Variants in LRP1B observed in about 807,000 individuals in gnomAD.
LRP1B encodes the protein LDL receptor related protein 1B, also known as low-density lipoprotein receptor-related protein 1B.
A neutral mutation model predicts 556.6 loss-of-function variants in LRP1B; 217 were observed. That is an observed-to-expected ratio of 0.39 (90% CI 0.35 to 0.44). The LOEUF is 0.44. LRP1B is among the 20% of genes least tolerant of loss of function. The pLI is 1.00. For synonymous variants in LRP1B, 2,047 were observed against 1,865.8 expected (o/e 1.10, Z -2.50); for missense variants, 5,053 against 5,620.8 (o/e 0.90, Z 3.23).
At chr2:140,496,799 T>C (rs1469390842) in intron 55 of LRP1B, among the ~76,000 whole-genome samples, 2 of 152,004 alleles carry the variant, frequency 1.3e-5, no homozygotes, top group African/African-American at 2.4e-5. Flanking sequence ...TTGTAAGTAT[T>C]GAGTAGGATG....
chr2:140,371,379 TG>T, intron 69 of LRP1B, 94 bp from the exon 70 acceptor site: 1 of 549,032 alleles, frequency 1.8e-6, no homozygotes, highest in Non-Finnish European at 3.1e-6. Flanking sequence ...AATTTATAGA[TG>T]GTAATAAAAA....
At chr2:141,996,485 G>A (rs561407105) in intron 1 of LRP1B, among the ~76,000 whole-genome samples, 4 of 152,188 alleles carry the variant, frequency 2.6e-5, no homozygotes, top group East Asian at 1.9e-4. Context: ...ATGAGATAAC[G>A]TGGGAAAACC....
At chr2:140,284,431 T>C (rs1683042763) in intron 84 of LRP1B, among the ~76,000 whole-genome samples, 1 of 151,280 alleles carries the variant, frequency 6.6e-6, no homozygotes, top group Admixed American at 6.6e-5. Context: ...AAGATTTCTA[T>C]CTCAGATGAG....
In LRP1B at chr2:140,410,523, G is replaced by C. The variant is rs192123573; in HGVS notation, c.10415-24514C>G. 5.3e-5 allele frequency among the ~76,000 whole-genome samples: 8 copies of C among 151,674 alleles called. No individual in the cohort carries two copies. In the East Asian group the frequency reaches 1.6e-3, roughly 30 times the overall value. ...ATCTGCTGTAGAATCATATTTATCAGAGAGACAGCACGCTATGAAAGAAGT... is the reference window on the plus strand; with the variant it reads ...ATCTGCTGTAGAATCATATTTATCACAGAGACAGCACGCTATGAAAGAAGT... On this transcript the variant is annotated intron_variant, in intron 66 of 90. Coordinates refer to ENST00000389484, the MANE Select transcript of LRP1B (RefSeq NM_018557.3).
At chr2:140,264,672 T>A (rs1041655703) in intron 86 of LRP1B, among the ~76,000 whole-genome samples, 2 of 67,548 alleles carry the variant, frequency 3.0e-5, no homozygotes, top group African/African-American at 8.3e-5. Flanking sequence ...ATTCAGCCCA[T>A]AAAATGACAA....
At chr2:141,466,878 A>G (rs1006505167) in intron 3 of LRP1B, among the ~76,000 whole-genome samples, 1 of 151,286 alleles carries the variant, frequency 6.6e-6, no homozygotes, top group African/African-American at 2.4e-5. Flanking sequence ...CAGTCTTTTA[A>G]AGATCTCAGT....
At chr2:140,843,077 TTTTG>T (rs1559151570) in intron 29 of LRP1B, among the ~76,000 whole-genome samples, 1 of 21,430 alleles carries the variant, frequency 4.7e-5, no homozygotes, top group African/African-American at 1.3e-4. Context: ...GTTTTTTTTT[TTTTG>T]TTTGTTTTTT....
chr2:141,472,468 A>G (rs748146750), intron 3 of LRP1B, among the ~76,000 whole-genome samples: 75 of 152,178 alleles, frequency 4.9e-4, no homozygotes, highest in Non-Finnish European at 8.4e-4. Flanking sequence ...TGAACCCCGG[A>G]GGTGGAGGTT....
intron 2 of LRP1B, among the ~76,000 whole-genome samples, chr2:141,566,743 C>T (rs1397756089): frequency 1.3e-5 from 2 of 151,998 alleles, no homozygotes; most frequent in Non-Finnish European, 2.9e-5. Context: ...CCTGTTGTTC[C>T]AGTTACCCTG....
In LRP1B at chr2:141,850,451, A is replaced by G. The variant is rs1346211707; in HGVS notation, c.83-40050T>C. Among the ~76,000 whole-genome samples the G allele has an allele frequency of 1.3e-5, 2 of 151,724 alleles. 1 individual carries two copies. The highest frequency in any genetic ancestry group is 4.2e-4 in the South Asian group (2 of 4,818). On this transcript the variant is annotated intron_variant, in intron 1 of 90. Coordinates refer to ENST00000389484, the MANE Select transcript of LRP1B (RefSeq NM_018557.3). ...CATCATCCACATTCCACAACTTTCA[A>G]CATTATGAGTTTTTAACTAAAAATG...
intron 3 of LRP1B, among the ~76,000 whole-genome samples, chr2:141,442,334 T>C (rs1451512866): frequency 1.3e-5 from 2 of 151,970 alleles, no homozygotes; most frequent in African/African-American, 2.4e-5. Flanking sequence ...TTTTATAGTA[T>C]AATAGATAAA....
intron 3 of LRP1B, among the ~76,000 whole-genome samples, chr2:141,371,970 C>G (rs368451230): frequency 2.0e-5 from 3 of 152,030 alleles, no homozygotes; most frequent in African/African-American, 7.2e-5. Context: ...ATGCTTTCAC[C>G]TTTTCCCCAC....
chr2:140,448,186 C>A (rs1195935942), intron 63 of LRP1B, among the ~76,000 whole-genome samples: 2 of 152,036 alleles, frequency 1.3e-5, no homozygotes, highest in African/African-American at 4.8e-5. Flanking sequence ...TTGTCATAAA[C>A]CTTCCATTTG....
At chr2:141,225,489 G>A (rs1683210720) in intron 6 of LRP1B, among the ~76,000 whole-genome samples, 1 of 152,110 alleles carries the variant, frequency 6.6e-6, no homozygotes, top group Non-Finnish European at 1.5e-5. Context: ...TTGGGTATCT[G>A]TGTCCTTACC....
In LRP1B at chr2:141,229,193, T is replaced by C. The variant is rs750646862; in HGVS notation, c.840A>G (p.Gln280=). 30 of 1,612,940 alleles carry C rather than the reference T, an allele frequency of 1.9e-5. No individual in the cohort carries two copies. The Admixed American group carries it at 3.0e-4, about 16-fold the overall frequency. ...AATTGAAACACTTACTGTGGAAGGA[T>C]TGAAGAATATTGATTGTCCATTCAT... ...LTDEWTINIL[Q]SFHNVQQMAI... is the part of the protein sequence containing the mutation. The change falls in exon 6 of 91, where the codon CAA becomes CAG. Residue 280 remains glutamine (Q), a synonymous_variant. Transcript: ENST00000389484.
rs761583016 is a variant in LRP1B at position 140,536,662 on chromosome 2, C to A, written c.7561G>T (p.Gly2521Cys). The A allele has an allele frequency of 6.2e-7, 1 of 1,609,938 alleles. No homozygotes were observed. Among genetic ancestry groups the A allele is most frequent in the East Asian group, 2.2e-5 (1 of 44,640 alleles). The change falls in exon 46 of 91, where the codon GGT becomes TGT. Residue 2521 changes from glycine (G) to cysteine (C), a missense_variant. Transcript: ENST00000389484. ...NAYSEFECGN[G>C]ECIDYQLTCD... Reference sequence around the variant, plus strand: ...GTGAGCTGGTAGTCAATGCACTCACCATTTCCACATTCAAACTCCGAATAA... The same window carrying A: ...GTGAGCTGGTAGTCAATGCACTCACAATTTCCACATTCAAACTCCGAATAA...
intron 41 of LRP1B, among the ~76,000 whole-genome samples, chr2:140,669,673 G>GT (rs960281358): frequency 1.3e-5 from 2 of 151,858 alleles, no homozygotes; most frequent in Non-Finnish European, 2.9e-5. Context: ...AGAAGAAATT[G>GT]TTTTTTCCCA....
intron 72 of LRP1B, among the ~76,000 whole-genome samples, chr2:140,361,598 T>C (rs1464238332): frequency 1.3e-5 from 2 of 150,998 alleles, no homozygotes; most frequent in African/African-American, 2.4e-5. Context: ...AAACATGTTA[T>C]TACTTTGGTG....
chr2:140,809,502 T>G (rs1273472578), intron 32 of LRP1B, among the ~76,000 whole-genome samples: 3 of 152,152 alleles, frequency 2.0e-5, no homozygotes, highest in African/African-American at 7.2e-5. Context: ...TACTTAACAT[T>G]TATGTTAGAG....
Sources: allele counts gnomAD v4.1 joint callset (sites outside exome capture counted in the v4.1 genomes callset), GRCh38; gene constraint gnomAD v4.1.1; transcripts MANE v1.5; gene names NCBI Gene and HGNC (gene_info 2026-07-23, HGNC 2026-07-21).